The following SMCO2 variants were observed in gnomAD, a reference collection of about 807,000 sequenced individuals.
SMCO2 encodes single-pass membrane protein with coiled-coil domains 2, also known as single-pass membrane and coiled-coil domain-containing protein 2.
SMCO2 carries 25 observed loss-of-function variants against 29.5 expected under a neutral mutation model. The observed-to-expected ratio is 0.85, with a 90% CI of 0.62 to 1.18. The LOEUF is 1.18. SMCO2 is among the 50% of genes most tolerant of loss of function. The pLI, the probability that SMCO2 is intolerant of heterozygous loss-of-function variation, is 0.00. For synonymous variants in SMCO2, 117 were observed against 123.3 expected, an observed-to-expected ratio of 0.95 and a Z score of 0.34; for missense variants, 348 against 344.5, an observed-to-expected ratio of 1.01 and a Z score of -0.08.
In SMCO2 at chr12:27,477,634, C is replaced by CTTTTTTTT. The variant is rs3051833; in HGVS notation, c.362+2730_362+2737dup. Among the ~76,000 whole-genome samples the CTTTTTTTT allele has an allele frequency of 8.4e-3, 918 of 109,302 alleles. 3 individuals are homozygous for CTTTTTTTT. Among genetic ancestry groups the CTTTTTTTT allele is most frequent in the South Asian group, 0.015 (49 of 3,330 alleles). 71.7% of individuals were successfully genotyped at this position (109,302 alleles called of 152,430 possible). A position where few individuals can be genotyped will look rare whatever the true frequency, so the allele number is the denominator to read the frequency against. On this transcript the variant is annotated intron_variant, in intron 4 of 7. Transcript: ENST00000298876. ...AGGGCTTTCTTCATTCTTTTTCATT[C>CTTTTTTTT]TTTTTTTTTTTTTTTTGGCTGATTG...
rs1163563504 is a variant in SMCO2, at chr12:27,473,086, A to T, written c.234+211A>T. On this transcript the variant is annotated intron_variant, in intron 3 of 7. Coordinates refer to ENST00000298876, the Ensembl canonical transcript of SMCO2. ...GCTGTTACCACATGAAGGACTTACT[A>T]GCCTTCCCATGCGAACAAAAAAGAA... The T allele has an allele frequency of 3.9e-5, 19 of 481,300 alleles. No individual in the cohort carries two copies. The Admixed American group carries it at 4.5e-4, about 11-fold the overall frequency. 29.8% of individuals were successfully genotyped at this position (481,300 alleles called of 1,614,324 possible). A position where few individuals can be genotyped will look rare whatever the true frequency, so the allele number is the denominator to read the frequency against.
intron 4 of SMCO2, among the ~76,000 whole-genome samples, chr12:27,477,716 A>C (rs1565676609): frequency 7.5e-6 from 1 of 132,686 alleles, no homozygotes; most frequent in Non-Finnish European, 1.6e-5. Context: ...TGCTTGATCT[A>C]GTCTATTATT....
At chr12:27,475,700 A>C (rs1949580222) in intron 4 of SMCO2, 4 of 1,549,330 alleles carry the variant, frequency 2.6e-6, no homozygotes, top group African/African-American at 2.7e-5. Flanking sequence ...TATTATTAAA[A>C]AAATAAATGT....
At chr12:27,492,221 A>G (rs1306402343) in intron 5 of SMCO2, among the ~76,000 whole-genome samples, 1 of 152,064 alleles carries the variant, frequency 6.6e-6, no homozygotes, top group African/African-American at 2.4e-5. Context: ...TTTCTTCAAC[A>G]ATTTTCTATG....
the SMCO2 span, among the ~76,000 whole-genome samples, chr12:27,432,839 C>T: frequency 1.3e-5 from 2 of 152,222 alleles, no homozygotes; most frequent in African/African-American, 4.8e-5. Context: ...ACAATGATTA[C>T]AAGCATATTA....
chr12:27,431,844 C>T, the SMCO2 span, among the ~76,000 whole-genome samples: 2 of 152,020 alleles, frequency 1.3e-5, no homozygotes, highest in Admixed American at 6.6e-5. Flanking sequence ...AACTGTTTTC[C>T]GTAGTGGTTG....
chr12:27,464,302 C>T (rs1159405033), upstream of SMCO2, among the ~76,000 whole-genome samples: 3 of 152,042 alleles, frequency 2.0e-5, no homozygotes, highest in Non-Finnish European at 2.9e-5. Flanking sequence ...AAGGCAGAGG[C>T]GAGGTCACCG....
At chr12:27,497,254 C>A (rs975462588) in intron 7 of SMCO2, 8 of 152,254 alleles carry the variant, frequency 5.3e-5, no homozygotes, top group African/African-American at 2.0e-4. Context: ...GAAAGTTTAT[C>A]TGTGATATCT....
At chr12:27,457,281 T>C in the SMCO2 span, among the ~76,000 whole-genome samples, 2 of 152,202 alleles carry the variant, frequency 1.3e-5, no homozygotes, top group African/African-American at 2.4e-5. Context: ...TTTAACGTTC[T>C]GCTGTCACTG....
the SMCO2 span, among the ~76,000 whole-genome samples, chr12:27,426,111 C>T: frequency 6.6e-6 from 1 of 152,188 alleles, no homozygotes; most frequent in African/African-American, 2.4e-5. Context: ...TTCCAACACA[C>T]TGGACTCTCC....
the SMCO2 span, among the ~76,000 whole-genome samples, chr12:27,453,690 T>C: frequency 6.6e-6 from 1 of 152,220 alleles, no homozygotes. Flanking sequence ...CTGTCAGCCT[T>C]CTTGGCTTAC....
At chr12:27,501,605 T>C (rs544008130) in intron 7 of SMCO2, among the ~76,000 whole-genome samples, 2 of 150,154 alleles carry the variant, frequency 1.3e-5, no homozygotes, top group African/African-American at 5.0e-5. Flanking sequence ...AAAAGAGACA[T>C]CATATACATC....
At chr12:27,452,856 G>T in the SMCO2 span, among the ~76,000 whole-genome samples, 1 of 152,116 alleles carries the variant, frequency 6.6e-6, no homozygotes, top group Non-Finnish European at 1.5e-5. Flanking sequence ...GGATTGTATG[G>T]TGGTTCTCTT....
At chr12:27,459,144 G>A in the SMCO2 span, among the ~76,000 whole-genome samples, 5 of 142,792 alleles carry the variant, frequency 3.5e-5, no homozygotes, top group East Asian at 6.2e-4. Context: ...CCAAGATCGC[G>A]CCACTGCACT....
the SMCO2 span, among the ~76,000 whole-genome samples, chr12:27,452,594 A>G: frequency 6.6e-5 from 10 of 152,140 alleles, no homozygotes; most frequent in African/African-American, 1.9e-4. Flanking sequence ...GGCTTAAGCA[A>G]TCTTCCCACC....
chr12:27,426,561 C>T, the SMCO2 span, among the ~76,000 whole-genome samples: 1 of 152,160 alleles, frequency 6.6e-6, no homozygotes, highest in African/African-American at 2.4e-5. Flanking sequence ...AAAGTGCTTA[C>T]ACATTGTCTG....
At chr12:27,465,524 G>A (rs1220688576), upstream of SMCO2, among the ~76,000 whole-genome samples, 1 of 152,198 alleles carries the variant, frequency 6.6e-6, no homozygotes, top group Non-Finnish European at 1.5e-5. Flanking sequence ...CGTAAGAAAG[G>A]TGACACATCT....
chr12:27,450,993 T>C, the SMCO2 span, among the ~76,000 whole-genome samples: 2 of 152,222 alleles, frequency 1.3e-5, no homozygotes, highest in East Asian at 3.8e-4. Context: ...TCCAAAGAAT[T>C]CTAGATTTTG....
At chr12:27,466,628 G>A (rs1453815282), upstream of SMCO2, among the ~76,000 whole-genome samples, 1 of 152,056 alleles carries the variant, frequency 6.6e-6, no homozygotes, top group East Asian at 1.9e-4. Flanking sequence ...CAGAGGGCTG[G>A]GGTGGAAGAA....
Sources: gnomAD v4.1 joint callset for allele counts (sites outside exome capture counted in the v4.1 genomes callset) on GRCh38, gnomAD v4.1.1 for gene constraint, MANE v1.5 for transcripts, NCBI Gene and HGNC (gene_info 2026-07-23, HGNC 2026-07-21) for gene names.